ADGRV1: variants seen among roughly 807,000 people sequenced by gnomAD.
The protein encoded by ADGRV1 is adhesion G protein-coupled receptor V1.
A neutral mutation model predicts 596.2 loss-of-function variants in ADGRV1; 359 were observed. The observed-to-expected ratio is 0.60, with a 90% CI of 0.55 to 0.66. ADGRV1 has a LOEUF of 0.66. Among genes scored for constraint, ADGRV1 ranks in the 30% least tolerant of loss-of-function variants. The probability of loss-of-function intolerance (pLI) is 0.00; values close to 1 mark genes in which losing one functional copy is unlikely to be tolerated. For missense variants in ADGRV1, 7,274 were observed against 7,575.6 expected (o/e 0.96, Z 1.48); for synonymous variants, 2,681 against 2,679.2 (o/e 1.00, Z -0.02).
intron 1 of ADGRV1, among the ~76,000 whole-genome samples, chr5:90,611,166 T>C (rs985175573): frequency 2.0e-5 from 3 of 152,018 alleles, no homozygotes; most frequent in African/African-American, 7.2e-5. Flanking sequence ...TATGTTAAAC[T>C]GTAAGCTGCT....
intron 32 of ADGRV1, 58 bp from the exon 33 acceptor site, chr5:90,693,832 C>G: frequency 7.7e-7 from 1 of 1,295,400 alleles, no homozygotes; most frequent in Non-Finnish European, 1.0e-6. Context: ...TTCCTCTTCT[C>G]TATTTGTAAT....
chr5:91,131,054 A>G (rs972338483), intron 87 of ADGRV1, among the ~76,000 whole-genome samples: 2 of 152,228 alleles, frequency 1.3e-5, no homozygotes, highest in Non-Finnish European at 2.9e-5. Context: ...TGTCTTTGGC[A>G]TTGTGAATAG....
chr5:91,025,715 GCAAAACCCA>G lies in ADGRV1; in HGVS notation c.18152+40196_18152+40204del, dbSNP rs1562106679. On this transcript the variant is annotated intron_variant, in intron 85 of 89. Coordinates refer to ENST00000405460, the MANE Select transcript of ADGRV1 (RefSeq NM_032119.4). ...CCAATCAGCAACAGTGAAAAGGGCCGCAAAACCCACACATTTTCATTTCCATTGCATTTA... is the reference window on the plus strand; with the variant it reads ...CCAATCAGCAACAGTGAAAAGGGCCGCACATTTTCATTTCCATTGCATTTA... Among the ~76,000 whole-genome samples, 6 of 152,106 alleles carry G rather than the reference GCAAAACCCA, an allele frequency of 3.9e-5. No homozygotes were observed. The South Asian group carries it at 1.2e-3, about 32-fold the overall frequency.
intron 86 of ADGRV1, among the ~76,000 whole-genome samples, chr5:91,097,396 G>A (rs981513252): frequency 4.6e-5 from 7 of 152,112 alleles, no homozygotes; most frequent in African/African-American, 1.7e-4. Flanking sequence ...TAAAGTTTGG[G>A]GGGACACAAA....
intron 85 of ADGRV1, among the ~76,000 whole-genome samples, chr5:91,037,600 G>A (rs1785015577): frequency 6.6e-6 from 1 of 152,218 alleles, no homozygotes; most frequent in Non-Finnish European, 1.5e-5. Flanking sequence ...GGAGCTAACA[G>A]TCTGGTGATA....
intron 21 of ADGRV1, among the ~76,000 whole-genome samples, chr5:90,661,129 A>T (rs762680042): frequency 3.9e-4 from 60 of 152,218 alleles, no homozygotes; most frequent in South Asian, 8.3e-4. Context: ...TTTCTTCCCC[A>T]TATTTTGTTG....
At chr5:91,071,085 A>G (rs1788350496) in intron 85 of ADGRV1, among the ~76,000 whole-genome samples, 1 of 152,054 alleles carries the variant, frequency 6.6e-6, no homozygotes, top group Middle Eastern at 3.4e-3. Flanking sequence ...TAGGAAGAAA[A>G]CTCCTCCCAG....
intron 83 of ADGRV1, among the ~76,000 whole-genome samples, chr5:90,914,829 A>G (rs1452596474): frequency 6.6e-6 from 1 of 152,208 alleles, no homozygotes; most frequent in Non-Finnish European, 1.5e-5. Context: ...AGCAGTTGTT[A>G]TAGGACCACA....
At chr5:90,580,559 G>A (rs948734282) in intron 1 of ADGRV1, among the ~76,000 whole-genome samples, 2 of 152,000 alleles carry the variant, frequency 1.3e-5, no homozygotes, top group Non-Finnish European at 2.9e-5. Context: ...GGCTGGATAT[G>A]AGATTCTGGG....
At chr5:90,679,847 T>C (rs533658036) in intron 26 of ADGRV1, among the ~76,000 whole-genome samples, 28 of 152,276 alleles carry the variant, frequency 1.8e-4, no homozygotes, top group African/African-American at 6.7e-4. Flanking sequence ...CCTTTCTGCT[T>C]CCAAAACCCA....
Position 90,642,986 on chromosome 5 carries a change from C to G in ADGRV1, c.2498C>G (p.Pro833Arg). The change falls in exon 13 of 90, where the codon CCT (proline) becomes CGT (arginine). Residue 833 changes from proline to arginine, a missense_variant. By Grantham distance (103) the Pro-to-Arg change is moderately radical. Around this residue, in one of 5 missense-constraint regions of ADGRV1, gnomAD observed 1,715 missense variants for 1,708.8 expected, o/e 1.00. Coordinates refer to ENST00000405460, the MANE Select transcript of ADGRV1 (RefSeq NM_032119.4). ...YGNTGVLEFK[P>R]GEREIVITLL... is the part of the protein sequence containing the mutation. ...AACACGGGAGTACTAGAATTTAAAC[C>G]TGGAGAAAGGGAGATAGTGATCACC... is the stretch of plus-strand genomic sequence containing the variant. 1 of 1,613,502 alleles carries G rather than the reference C, an allele frequency of 6.2e-7. No individual in the cohort carries two copies. Among genetic ancestry groups the G allele is most frequent in the Non-Finnish European group, 8.5e-7 (1 of 1,179,592 alleles).
rs769947014 is a variant in ADGRV1 at position 90,697,126 on chromosome 5, G to T, written c.8135G>T (p.Arg2712Ile). 3.1e-6 allele frequency: 5 copies of T among 1,613,262 alleles called. No homozygotes were observed. The highest frequency in any genetic ancestry group is 4.2e-6 in the Non-Finnish European group (5 of 1,179,326). ...AGIVSFQTAS[R>I]SVIGHEGEIL... Reference sequence around the variant, plus strand: ...ATTGTTAGCTTTCAGACAGCTTCCAGATCTGTCATAGGTCATGAAGGTGGG... The same window carrying T: ...ATTGTTAGCTTTCAGACAGCTTCCATATCTGTCATAGGTCATGAAGGTGGG... Residue 2712 changes from arginine (R) to isoleucine (I), a missense_variant, in exon 34 of 90, where the codon AGA becomes ATA. Arg to Ile is a moderately conservative substitution (Grantham distance 97, BLOSUM62 -3). Transcript: ENST00000405460.
chr5:90,877,587 T>G (rs963744026), intron 83 of ADGRV1, among the ~76,000 whole-genome samples: 6 of 111,894 alleles, frequency 5.4e-5, no homozygotes, highest in African/African-American at 3.1e-4. Flanking sequence ...AGTGTGTGGT[T>G]TTTTTTTTTT....
At chr5:90,862,948 T>TA (rs1425876558) in intron 82 of ADGRV1, among the ~76,000 whole-genome samples, 3 of 152,176 alleles carry the variant, frequency 2.0e-5, no homozygotes, top group Admixed American at 2.0e-4. Flanking sequence ...TCCTGTTTAT[T>TA]AACGAGGCAT....
At chr5:90,858,530 TAG>T (rs764102257) in intron 82 of ADGRV1, among the ~76,000 whole-genome samples, 18 of 152,090 alleles carry the variant, frequency 1.2e-4, no homozygotes, top group African/African-American at 4.3e-4. Flanking sequence ...GTATTTTTTA[TAG>T]AGATAGGGTT....
At chr5:90,670,561 T>C (rs1228015812) in intron 21 of ADGRV1, among the ~76,000 whole-genome samples, 1 of 152,156 alleles carries the variant, frequency 6.6e-6, no homozygotes, top group African/African-American at 2.4e-5. Flanking sequence ...TCAACAACCG[T>C]GAAATCAGAG....
intron 56 of ADGRV1, 43 bp downstream of exon 56, chr5:90,756,673 T>G: frequency 3.3e-6 from 5 of 1,493,066 alleles, no homozygotes; most frequent in Non-Finnish European, 4.6e-6. Flanking sequence ...CAGAGGCCTC[T>G]CCCTGCTGAT....
Position 91,106,962 on chromosome 5 carries a change from G to A in ADGRV1, c.18432+4622G>A, listed in dbSNP as rs570941390. ...AGGACGCAATGCCTAACTCTGGCTA[G>A]TGTAGCAGAGAAGTTAAATAGGATG... On this transcript the variant is annotated intron_variant, in intron 87 of 89. Transcript: ENST00000405460. Among the ~76,000 whole-genome samples the A allele has an allele frequency of 3.0e-4, 45 of 152,330 alleles. 1 individual carries two copies. In the South Asian group the frequency reaches 9.3e-3, roughly 32 times the overall value.
intron 77 of ADGRV1, among the ~76,000 whole-genome samples, chr5:90,836,574 G>C (rs1378421424): frequency 6.6e-6 from 1 of 152,174 alleles, no homozygotes; most frequent in Non-Finnish European, 1.5e-5. Context: ...ATTAAGGAGG[G>C]AATGGGCTGG....
Sources: gnomAD v4.1 joint callset for allele counts (sites outside exome capture counted in the v4.1 genomes callset) on GRCh38, gnomAD v4.1.1 for gene constraint, gnomAD v4.1.1 regional missense constraint, MANE v1.5 for transcripts, NCBI Gene and HGNC (gene_info 2026-07-23, HGNC 2026-07-21) for gene names.